Variants in PXK observed in about 807,000 individuals in gnomAD.
The protein encoded by PXK is PX domain containing serine/threonine kinase like.
Under a neutral mutation model 84.7 loss-of-function variants are expected in PXK, and 35 were observed. The ratio of observed to expected loss-of-function variants is 0.41; its 90% CI spans 0.32 to 0.55. The LOEUF is 0.55. Ranked by LOEUF, PXK falls within the 20% of genes least tolerant of loss-of-function variation. The pLI is 0.21. For missense variants in PXK, 634 were observed against 699.7 expected (o/e 0.91, Z 1.06); for synonymous variants, 253 against 260.8 (o/e 0.97, Z 0.29).
Position 58,421,769 on chromosome 3 carries a change from T to C in PXK, c.1529-2983T>C. On this transcript the variant is annotated intron_variant, in intron 17 of 17. Coordinates refer to ENST00000356151, the MANE Select transcript of PXK (RefSeq NM_017771.5). The surrounding 1 kb of genome is among the most constrained non-coding windows in gnomAD (Gnocchi z 5.5). ...TTGGTGGAGAAGATTTTGGGGTGGG[T>C]AGAGTAAGTAGTTGGCTCTCAGGGA... is the stretch of plus-strand genomic sequence containing the variant. 1.0e-6 allele frequency: 1 copy of C among 985,324 alleles called. No individual in the cohort carries two copies. Among genetic ancestry groups the C allele is most frequent in the South Asian group, 4.7e-5 (1 of 21,284 alleles). The allele number at this position is 985,324 out of a possible 1,614,324, so 61.0% of individuals were successfully genotyped here.
chr3:58,365,741 C>T, intron 1 of PXK, 133 bp from the exon 2 acceptor site: 1 of 643,728 alleles, frequency 1.6e-6, no homozygotes, highest in Non-Finnish European at 2.5e-6. Context: ...ATGTCCCTTT[C>T]TCTCTGTCTC....
chr3:58,335,018 G>GGTGTGTGTGTGTGTGTGT (rs375780661), intron 1 of PXK, among the ~76,000 whole-genome samples: 28 of 106,566 alleles, frequency 2.6e-4, no homozygotes, highest in South Asian at 1.2e-3. Context: ...TGTCCAGGCT[G>GGTGTGTGTGTGTGTGTGT]GTGTGTGTGT....
intron 3 of PXK, 25 bp downstream of exon 3, chr3:58,369,503 C>T (rs75261945): frequency 0.082 from 129,041 of 1,580,958 alleles, 6,011 homozygotes; most frequent in African/African-American, 0.17. Context: ...ATTCTAATTA[C>T]ACACATTGAT....
chr3:58,346,227 G>C (rs1047503574), intron 1 of PXK, among the ~76,000 whole-genome samples: 2 of 152,160 alleles, frequency 1.3e-5, no homozygotes, highest in Admixed American at 1.3e-4. Context: ...CAACAGTGAG[G>C]GGGGGTTTGG....
At chr3:58,380,290 G>A (rs116165318) in intron 3 of PXK, among the ~76,000 whole-genome samples, 7,224 of 152,070 alleles carry the variant, frequency 0.048, 271 homozygotes, top group Admixed American at 0.067. Flanking sequence ...ATGATTAGCT[G>A]TGTGTGGTGG....
chr3:58,350,562 C>T (rs2097903190), intron 1 of PXK, among the ~76,000 whole-genome samples: 1 of 152,158 alleles, frequency 6.6e-6, no homozygotes, highest in Non-Finnish European at 1.5e-5. Context: ...CCGCTGTGCC[C>T]CTGGGTCAGA....
rs1451066051 is a variant in PXK, at chr3:58,333,146, G to A, written c.102+56G>A. 1 of 982,732 alleles carries A rather than the reference G, an allele frequency of 1.0e-6. No individual in the cohort carries two copies. The highest frequency in any genetic ancestry group is 1.2e-6 in the Non-Finnish European group (1 of 814,734). 60.9% of individuals were successfully genotyped at this position (982,732 alleles called of 1,614,324 possible). On this transcript the variant is annotated intron_variant, in intron 1 of 17. Transcript: ENST00000356151. The surrounding 1 kb of genome is among the most constrained non-coding windows in gnomAD (Gnocchi z 5.4). ...TGGGGCGGCCCCGGGCCGCGAGGGG[G>A]CTGCGGGCTGCCTGGCGCGGGCCGG...
Position 58,414,250 on chromosome 3 carries a change from A to G in PXK, c.1528+1287A>G, listed in dbSNP as rs2060641368. The G allele has an allele frequency of 6.6e-6, 1 of 152,188 alleles. No individual in the cohort carries two copies. The highest frequency in any genetic ancestry group is 1.5e-5 in the Non-Finnish European group (1 of 68,040). The allele number at this position is 152,188 out of a possible 1,614,324, so 9.4% of individuals were successfully genotyped here. On this transcript the variant is annotated intron_variant, in intron 17 of 17. Coordinates refer to ENST00000356151, the MANE Select transcript of PXK (RefSeq NM_017771.5). This position sits in a 1 kb window ranked among gnomAD's most constrained non-coding sequence, Gnocchi z 4.5. ...TTTAACACCACTTGGGCATATTAAG[A>G]AAATTGGAGAAAATTAGTAGTGAGA...
At chr3:58,336,069 ATATTTTTT>A (rs1259675160) in intron 1 of PXK, among the ~76,000 whole-genome samples, 69 of 56,598 alleles carry the variant, frequency 1.2e-3, no homozygotes, top group African/African-American at 7.3e-3. Flanking sequence ...ATATATATAT[ATATTTTTT>A]TTTTTTTTTT....
intron 4 of PXK, among the ~76,000 whole-genome samples, chr3:58,389,427 A>T (rs1054866913): frequency 6.6e-6 from 1 of 152,170 alleles, no homozygotes; most frequent in African/African-American, 2.4e-5. Context: ...GACCAGCTAG[A>T]TTACATATTT....
intron 1 of PXK, among the ~76,000 whole-genome samples, chr3:58,344,422 C>G (rs1467672869): frequency 6.6e-6 from 1 of 152,026 alleles, no homozygotes; most frequent in African/African-American, 2.4e-5. Flanking sequence ...CTGTTTTTTC[C>G]TTTTTACCCT....
intron 1 of PXK, among the ~76,000 whole-genome samples, chr3:58,355,160 AC>A (rs1003591467): frequency 1.3e-5 from 2 of 151,816 alleles, no homozygotes; most frequent in African/African-American, 4.8e-5. Flanking sequence ...AAAACAGAAG[AC>A]CCGCTAATGC....
In PXK at chr3:58,383,531, A is replaced by G. The variant is rs560117264; in HGVS notation, c.388+831A>G. On this transcript the variant is annotated intron_variant, in intron 4 of 17. Coordinates refer to ENST00000356151, the MANE Select transcript of PXK (RefSeq NM_017771.5). This position sits in a 1 kb window ranked among gnomAD's most constrained non-coding sequence, Gnocchi z 4.0. ...CCTATTTGCTCCCTGAGACCCACTC[A>G]GTGCAAAGCATAGGAGGTCATTCTC... 2.6e-5 allele frequency among the ~76,000 whole-genome samples: 4 copies of G among 152,336 alleles called. No individual in the cohort carries two copies. In the South Asian group the frequency reaches 6.2e-4, roughly 24 times the overall value.
intron 7 of PXK, among the ~76,000 whole-genome samples, chr3:58,393,122 A>G (rs1205062725): frequency 6.6e-6 from 1 of 151,922 alleles, no homozygotes; most frequent in Non-Finnish European, 1.5e-5. Context: ...GCTGAGGCGG[A>G]TGGATCACAA....
chr3:58,417,494 G>C (rs914191713), intron 17 of PXK, among the ~76,000 whole-genome samples: 2 of 152,084 alleles, frequency 1.3e-5, no homozygotes, highest in African/African-American at 4.8e-5. Flanking sequence ...CTTCTCTGGG[G>C]GCTCCTTCTT....
chr3:58,404,756 A>G (rs1352449608), intron 13 of PXK, among the ~76,000 whole-genome samples: 1 of 152,202 alleles, frequency 6.6e-6, no homozygotes, highest in Non-Finnish European at 1.5e-5. Context: ...CTATATTCCA[A>G]AAGAACATGT....
chr3:58,418,666 G>A (rs1330482110), intron 17 of PXK, among the ~76,000 whole-genome samples: 1 of 152,190 alleles, frequency 6.6e-6, no homozygotes, highest in Non-Finnish European at 1.5e-5. Flanking sequence ...ACATGGCGAG[G>A]CTTTATAAGC....
chr3:58,369,695 G>A (rs746360373), intron 3 of PXK, among the ~76,000 whole-genome samples: 8 of 151,998 alleles, frequency 5.3e-5, no homozygotes, highest in African/African-American at 1.4e-4. Flanking sequence ...GTGGTGGCGC[G>A]TGCCTGTAAT....
At chr3:58,360,851 A>C (rs1329083357) in intron 1 of PXK, among the ~76,000 whole-genome samples, 1 of 151,966 alleles carries the variant, frequency 6.6e-6, no homozygotes, top group East Asian at 1.9e-4. Flanking sequence ...AAAAAAGTTA[A>C]TAAAACAGTT....
Sources: allele counts gnomAD v4.1 joint callset (sites outside exome capture counted in the v4.1 genomes callset), GRCh38; gene constraint gnomAD v4.1.1; non-coding constraint Gnocchi (gnomAD v3.1); transcripts MANE v1.5; gene names NCBI Gene and HGNC (gene_info 2026-07-23, HGNC 2026-07-21).